Variants in PTPRT observed in about 807,000 individuals in gnomAD.
PTPRT encodes receptor-type tyrosine-protein phosphatase T.
In PTPRT, 56 loss-of-function variants were observed where a neutral mutation model predicts 176.8. The ratio of observed to expected loss-of-function variants is 0.32; its 90% CI spans 0.26 to 0.40. The LOEUF is 0.40. Ranked by LOEUF, PTPRT falls within the 10% of genes least tolerant of loss-of-function variation. The pLI is 1.00. For synonymous variants in PTPRT, 783 were observed against 739.0 expected (o/e 1.06, Z -0.96); for missense variants, 1,540 against 1,908.2 (o/e 0.81, Z 3.60).
chr20:43,095,506 GT>G (rs1420011316), intron 1 of PTPRT, among the ~76,000 whole-genome samples: 1 of 151,960 alleles, frequency 6.6e-6, no homozygotes, highest in African/African-American at 2.4e-5. Context: ...GGCTGGACAT[GT>G]CTGCATGGCT....
intron 16 of PTPRT, among the ~76,000 whole-genome samples, chr20:42,163,094 A>T (rs557117824): frequency 2.0e-5 from 3 of 152,048 alleles, no homozygotes; most frequent in Non-Finnish European, 4.4e-5. Flanking sequence ...TAGGGGATAA[A>T]TTTTTCACTT....
chr20:42,576,462 T>C (rs1419084105), intron 7 of PTPRT, among the ~76,000 whole-genome samples: 2 of 152,150 alleles, frequency 1.3e-5, no homozygotes, highest in African/African-American at 4.8e-5. Context: ...AGTCAATCAA[T>C]TAACTCTCTC....
intron 1 of PTPRT, among the ~76,000 whole-genome samples, chr20:42,936,846 A>C (rs1980221460): frequency 6.6e-6 from 1 of 152,206 alleles, no homozygotes; most frequent in South Asian, 2.1e-4. Flanking sequence ...AACAGAATTG[A>C]AGATTCGTTT....
intron 4 of PTPRT, among the ~76,000 whole-genome samples, chr20:42,774,396 C>G (rs949934355): frequency 6.6e-6 from 1 of 152,116 alleles, no homozygotes; most frequent in Non-Finnish European, 1.5e-5. Flanking sequence ...AAAGGGGACA[C>G]TGAAAGGGGG....
intron 1 of PTPRT, among the ~76,000 whole-genome samples, chr20:42,905,373 T>C (rs1028739852): frequency 2.6e-5 from 4 of 152,216 alleles, no homozygotes; most frequent in Admixed American, 1.3e-4. Context: ...TGACATACCA[T>C]CTCACACCAG....
intron 13 of PTPRT, among the ~76,000 whole-genome samples, chr20:42,254,807 T>C (rs2146939430): frequency 6.6e-6 from 1 of 152,316 alleles, no homozygotes; most frequent in East Asian, 1.9e-4. Context: ...GTCTCTGTTC[T>C]CATCTCCTTG....
At chr20:42,654,763 G>C (rs541767568) in intron 7 of PTPRT, among the ~76,000 whole-genome samples, 1 of 152,140 alleles carries the variant, frequency 6.6e-6, no homozygotes, top group South Asian at 2.1e-4. Flanking sequence ...GAGAAGTTTA[G>C]TAAGTTGCTC....
intron 1 of PTPRT, among the ~76,000 whole-genome samples, chr20:43,057,941 T>G (rs529029176): frequency 3.5e-4 from 53 of 152,236 alleles, no homozygotes; most frequent in African/African-American, 1.3e-3. Flanking sequence ...CCTAACCCAG[T>G]GCTTAGTACA....
chr20:42,040,868 G>A, the PTPRT span, among the ~76,000 whole-genome samples: 38 of 152,160 alleles, frequency 2.5e-4, no homozygotes, highest in Non-Finnish European at 4.7e-4. Context: ...CTGTGGTGCA[G>A]GCAAAGCCTA....
chr20:42,150,652 A>G (rs943699633), intron 17 of PTPRT, among the ~76,000 whole-genome samples: 17 of 152,262 alleles, frequency 1.1e-4, no homozygotes, highest in Admixed American at 1.3e-4. Context: ...CAAAAGGCAG[A>G]CAGACTAAAA....
At chr20:42,446,621 T>TGTGA (rs1491165117) in intron 9 of PTPRT, among the ~76,000 whole-genome samples, 1,538 of 130,038 alleles carry the variant, frequency 0.012, 20 homozygotes, top group African/African-American at 0.027. Context: ...TGTGTGTGTG[T>TGTGA]GAGAGAGAGA....
At chr20:42,089,062 C>T (rs185210002) in intron 27 of PTPRT, among the ~76,000 whole-genome samples, 1 of 152,232 alleles carries the variant, frequency 6.6e-6, no homozygotes, top group Non-Finnish European at 1.5e-5. Flanking sequence ...CTGGCGTCTC[C>T]ACTGGGGGTT....
At chr20:43,164,211 G>T (rs2146447439) in intron 1 of PTPRT, among the ~76,000 whole-genome samples, 1 of 152,264 alleles carries the variant, frequency 6.6e-6, no homozygotes, top group Non-Finnish European at 1.5e-5. Context: ...TTGCTGTTAG[G>T]GACAAGGATG....
At chr20:42,199,460 G>C in intron 15 of PTPRT, 72 bp from the exon 16 acceptor site, 2 of 1,502,476 alleles carry the variant, frequency 1.3e-6, no homozygotes, top group Middle Eastern at 1.8e-4. Flanking sequence ...TGGGTAGATT[G>C]TTCTTCCCCA....
chr20:42,415,637 T>C (rs557528716), intron 9 of PTPRT, among the ~76,000 whole-genome samples: 14 of 152,340 alleles, frequency 9.2e-5, no homozygotes, highest in Admixed American at 3.3e-4. Context: ...ATAAAAATGC[T>C]AGCATAGGAC....
chr20:42,667,256 C>A (rs73266030), intron 7 of PTPRT, among the ~76,000 whole-genome samples: 1 of 152,082 alleles, frequency 6.6e-6, no homozygotes, highest in Non-Finnish European at 1.5e-5. Flanking sequence ...CATTTTCATC[C>A]GGGCCATTTG....
intron 2 of PTPRT, among the ~76,000 whole-genome samples, chr20:42,865,183 T>C (rs565844336): frequency 2.0e-5 from 3 of 152,176 alleles, no homozygotes; most frequent in South Asian, 4.1e-4. Context: ...CTGTGTGGTA[T>C]TAGAGTTAGA....
intron 6 of PTPRT, among the ~76,000 whole-genome samples, chr20:42,731,233 G>A (rs749610484): frequency 3.3e-5 from 5 of 152,190 alleles, no homozygotes; most frequent in South Asian, 2.1e-4. Flanking sequence ...GGCACCAGAC[G>A]TTCAGCGCAG....
chr20:42,443,830 T>G (rs542470767), intron 9 of PTPRT, among the ~76,000 whole-genome samples: 27 of 152,230 alleles, frequency 1.8e-4, no homozygotes, highest in Non-Finnish European at 3.4e-4. Context: ...AACAACACTT[T>G]CACATCTTCT....
Sources: allele counts gnomAD v4.1 joint callset (sites outside exome capture counted in the v4.1 genomes callset), GRCh38; gene constraint gnomAD v4.1.1; transcripts MANE v1.5; gene names NCBI Gene and HGNC (gene_info 2026-07-23, HGNC 2026-07-21).